Variants in FAF1 observed in about 807,000 individuals in gnomAD.
FAF1 encodes the protein FAS-associated factor 1.
A neutral mutation model predicts 92.5 loss-of-function variants in FAF1; 25 were observed. That is an observed-to-expected ratio of 0.27 (90% confidence interval 0.20 to 0.38). FAF1 has a LOEUF of 0.38. FAF1 is among the 10% of genes least tolerant of loss of function. The pLI, the probability that FAF1 is intolerant of heterozygous loss-of-function variation, is 1.00. For missense variants in FAF1, 636 were observed against 793.3 expected, an observed-to-expected ratio of 0.80 and a Z score of 2.38; for synonymous variants, 234 against 273.2, an observed-to-expected ratio of 0.86 and a Z score of 1.42.
At chr1:50,630,159 G>A (rs1653704760) in intron 8 of FAF1, among the ~76,000 whole-genome samples, 1 of 152,066 alleles carries the variant, frequency 6.6e-6, no homozygotes. Flanking sequence ...TATTAATAAA[G>A]CAAAGATAAT....
chr1:50,469,262 A>G (rs1003410318), intron 18 of FAF1, among the ~76,000 whole-genome samples: 1 of 152,170 alleles, frequency 6.6e-6, no homozygotes, highest in African/African-American at 2.4e-5. Flanking sequence ...GTGGTCATTA[A>G]TTAATTGAAT....
At chr1:50,678,645 C>A (rs923509330) in intron 7 of FAF1, among the ~76,000 whole-genome samples, 1 of 151,022 alleles carries the variant, frequency 6.6e-6, no homozygotes, top group African/African-American at 2.4e-5. Context: ...CTGGGCATGG[C>A]AGCAGGTGCC....
At chr1:50,814,361 C>G (rs554286481) in intron 2 of FAF1, among the ~76,000 whole-genome samples, 3 of 151,740 alleles carry the variant, frequency 2.0e-5, no homozygotes, top group Non-Finnish European at 4.4e-5. Flanking sequence ...AATATTATAC[C>G]CAATAATTAG....
Position 50,919,548 on chromosome 1 carries a change from C to T in FAF1, c.45+40219G>A, listed in dbSNP as rs565070997. Among the ~76,000 whole-genome samples, 166 of 150,216 alleles carry T rather than the reference C, an allele frequency of 1.1e-3. 1 individual carries two copies. Among genetic ancestry groups the T allele is most frequent in the Non-Finnish European group, 1.5e-3 (105 of 67,768 alleles). Reference sequence around the variant, plus strand: ...TGTTGTCCAGGCTGGAGTGCAGTGGCACGGTCTCGGCTCACTGCAACCTCC... The same window carrying T: ...TGTTGTCCAGGCTGGAGTGCAGTGGTACGGTCTCGGCTCACTGCAACCTCC... On this transcript the variant is annotated intron_variant, in intron 1 of 18. Coordinates refer to ENST00000396153, the MANE Select transcript of FAF1 (RefSeq NM_007051.3).
chr1:50,480,963 T>C (rs1434495283), intron 17 of FAF1, among the ~76,000 whole-genome samples: 2 of 152,128 alleles, frequency 1.3e-5, no homozygotes, highest in East Asian at 3.8e-4. Flanking sequence ...GATCTAGACC[T>C]TGTGTAGGCC....
chr1:50,853,476 G>A (rs1644367053), intron 2 of FAF1, among the ~76,000 whole-genome samples: 1 of 152,036 alleles, frequency 6.6e-6, no homozygotes, highest in South Asian at 2.1e-4. Context: ...GAAACATGTA[G>A]TTAAAGACAA....
intron 18 of FAF1, chr1:50,462,083 A>ATG (rs1491129025): frequency 6.8e-6 from 1 of 147,870 alleles, no homozygotes; most frequent in Non-Finnish European, 1.5e-5. Flanking sequence ...ATATATATAT[A>ATG]CACACACACA....
intron 1 of FAF1, among the ~76,000 whole-genome samples, chr1:50,865,670 A>C (rs1167439105): frequency 8.6e-6 from 1 of 116,310 alleles, no homozygotes; most frequent in Non-Finnish European, 1.7e-5. Context: ...GGGGAACATC[A>C]CACTCTGGGG....
At chr1:50,569,522 CTCT>C (rs570391746) in intron 12 of FAF1, among the ~76,000 whole-genome samples, 249 of 152,264 alleles carry the variant, frequency 1.6e-3, no homozygotes, top group African/African-American at 5.4e-3. Context: ...AAATTCAGAA[CTCT>C]TCTTCTTAGG....
At position 50,836,320 on chromosome 1, in the gene FAF1, G is replaced by A. The variant is rs140893315; in HGVS notation, c.114+21609C>T. ...CAAAGTGCTGGGTATAATAGCATGA[G>A]TCACCATGCCCAGCCATGTTTTGTA... On this transcript the variant is annotated intron_variant, in intron 2 of 18. Coordinates refer to ENST00000396153, the MANE Select transcript of FAF1 (RefSeq NM_007051.3). 1.5e-3 allele frequency among the ~76,000 whole-genome samples: 234 copies of A among 151,862 alleles called. 2 individuals carry two copies. The highest frequency in any genetic ancestry group is 5.5e-3 in the African/African-American group (229 of 41,426).
intron 4 of FAF1, among the ~76,000 whole-genome samples, chr1:50,760,810 C>G (rs377257684): frequency 6.6e-6 from 1 of 151,926 alleles, no homozygotes; most frequent in Non-Finnish European, 1.5e-5. Context: ...ATTCAAAAGC[C>G]AGCAGAAGGC....
chr1:50,523,912 A>G (rs1647644585), intron 15 of FAF1, among the ~76,000 whole-genome samples: 1 of 152,320 alleles, frequency 6.6e-6, no homozygotes, highest in South Asian at 2.1e-4. Context: ...ATACCCAGTA[A>G]TGGGATTGCT....
At chr1:50,497,372 GA>G (rs150581209) in intron 15 of FAF1, among the ~76,000 whole-genome samples, 1,994 of 151,788 alleles carry the variant, frequency 0.013, 42 homozygotes, top group African/African-American at 0.044. Flanking sequence ...TATAAAACCT[GA>G]AAAAATTCAT....
intron 18 of FAF1, among the ~76,000 whole-genome samples, chr1:50,455,868 T>C (rs1259956336): frequency 6.6e-6 from 1 of 151,918 alleles, no homozygotes; most frequent in Non-Finnish European, 1.5e-5. Context: ...AGGTCAGGAG[T>C]TCGAGACCAG....
At chr1:50,665,481 T>A (rs1369198485) in intron 7 of FAF1, among the ~76,000 whole-genome samples, 1 of 152,110 alleles carries the variant, frequency 6.6e-6, no homozygotes, top group Non-Finnish European at 1.5e-5. Context: ...AACAGTTAAA[T>A]AAATAAAATA....
chr1:50,671,757 TC>T (rs1655892277), intron 7 of FAF1, among the ~76,000 whole-genome samples: 1 of 150,944 alleles, frequency 6.6e-6, no homozygotes, highest in African/African-American at 2.4e-5. Context: ...TGAGACAGAA[TC>T]TTACTCTGTC....
At chr1:50,699,644 G>A (rs544251027) in intron 7 of FAF1, among the ~76,000 whole-genome samples, 72 of 152,142 alleles carry the variant, frequency 4.7e-4, no homozygotes, top group South Asian at 6.2e-4. Context: ...AAGTAAGTCA[G>A]AAACCAAAAG....
At chr1:50,651,171 T>G (rs1465840407) in intron 8 of FAF1, among the ~76,000 whole-genome samples, 1 of 152,168 alleles carries the variant, frequency 6.6e-6, no homozygotes, top group Non-Finnish European at 1.5e-5. Context: ...GAGTCAAAGG[T>G]TAATGAGAAG....
chr1:50,457,264 C>T (rs12059703), intron 18 of FAF1, among the ~76,000 whole-genome samples: 4,515 of 151,948 alleles, frequency 0.03, 220 homozygotes, highest in African/African-American at 0.1. Flanking sequence ...TGGTTCTGGA[C>T]GAAGAACAGG....
Sources: allele counts gnomAD v4.1 joint callset (sites outside exome capture counted in the v4.1 genomes callset), GRCh38; gene constraint gnomAD v4.1.1; transcripts MANE v1.5; gene names NCBI Gene and HGNC (gene_info 2026-07-23, HGNC 2026-07-21).